The following TRAF3IP3 variants were observed in gnomAD, a reference collection of about 807,000 sequenced individuals.
TRAF3IP3 encodes the protein TRAF3-interacting JNK-activating modulator.
A neutral mutation model predicts 86.5 loss-of-function variants in TRAF3IP3; 64 were observed. The observed-to-expected ratio is 0.74, with a 90% CI of 0.60 to 0.91. The LOEUF (loss-of-function observed/expected upper bound fraction) is 0.91. Ranked by LOEUF, TRAF3IP3 falls within the 40% of genes least tolerant of loss-of-function variation. The pLI is 0.00. For missense variants in TRAF3IP3, 579 were observed against 642.9 expected, an observed-to-expected ratio of 0.90 and a Z score of 1.07; for synonymous variants, 220 against 243.9, an observed-to-expected ratio of 0.90 and a Z score of 0.91.
At chr1:209,773,422 C>A (rs557212075) in intron 9 of TRAF3IP3, among the ~76,000 whole-genome samples, 21 of 152,350 alleles carry the variant, frequency 1.4e-4, no homozygotes, top group African/African-American at 4.8e-4. Flanking sequence ...AAATTATTTT[C>A]ATTCCATGGG....
chr1:209,778,068 G>C (rs1324766262), intron 12 of TRAF3IP3, 43 bp from the exon 13 acceptor site: 2 of 1,565,262 alleles, frequency 1.3e-6, no homozygotes, highest in Admixed American at 3.4e-5. Context: ...AGTTCATTAA[G>C]TCTTGGGTTC....
chr1:209,782,244 C>A lies in TRAF3IP3; in HGVS notation c.*96C>A, dbSNP rs913024091. On this transcript the variant is annotated 3_prime_UTR_variant, in exon 17 of 17. Coordinates refer to ENST00000367025, the MANE Select transcript of TRAF3IP3 (RefSeq NM_025228.4). ...GTACATTACAGCTTGGGTTTTCCAA[C>A]TGACTTAGGATTTCTGACTTTTTAT... 1.4e-5 allele frequency: 13 copies of A among 932,818 alleles called. No homozygotes were observed. The highest frequency in any genetic ancestry group is 2.1e-4 in the Middle Eastern group (1 of 4,722). The allele number at this position is 932,818 out of a possible 1,614,324, so 57.8% of individuals were successfully genotyped here.
intron 3 of TRAF3IP3, 71 bp downstream of exon 3, chr1:209,760,455 C>T: frequency 7.5e-7 from 1 of 1,335,306 alleles, no homozygotes. Flanking sequence ...TGGGTGGGCT[C>T]AAGGTCACTA....
At chr1:209,770,780 GGTGTGTGTGTGTGCATATGGAGGT>G (rs2077470070) in intron 8 of TRAF3IP3, among the ~76,000 whole-genome samples, 1 of 111,570 alleles carries the variant, frequency 9.0e-6, no homozygotes. Context: ...TGCCTATGGA[GGTGTGTGTGTGTGCATATGGAGGT>G]GTGTGTGTGC....
chr1:209,762,555 C>T lies in TRAF3IP3; in HGVS notation c.386C>T (p.Pro129Leu). 6.7e-7 allele frequency: 1 copy of T among 1,483,354 alleles called. No homozygotes were observed. Among genetic ancestry groups the T allele is most frequent in the Non-Finnish European group, 9.0e-7 (1 of 1,117,254 alleles). The allele number at this position is 1,483,354 out of a possible 1,614,324, so 91.9% of individuals were successfully genotyped here. ...TSSEVFPAQH[P>L]PPSGICRDLS... Reference sequence around the variant, plus strand: ...TCTGAAGTCTTTCCAGCCCAGCATCCTCCTCCCTCAGGCATCTGCAGGGAT... The same window carrying T: ...TCTGAAGTCTTTCCAGCCCAGCATCTTCCTCCCTCAGGCATCTGCAGGGAT... Residue 129 changes from proline to leucine, a missense_variant, in exon 4 of 17, where the codon CCT (proline) becomes CTT (leucine). Transcript: ENST00000367025.
Position 209,777,379 on chromosome 1 carries a change from A to G in TRAF3IP3, c.1081A>G (p.Asn361Asp). The G allele has an allele frequency of 6.2e-7, 1 of 1,614,010 alleles. No individual in the cohort carries two copies. Among genetic ancestry groups the G allele is most frequent in the Non-Finnish European group, 8.5e-7 (1 of 1,179,978 alleles). ...QGADSRDLQM[N>D]QALRFLENEH... Reference sequence around the variant, plus strand: ...AGCAGATAGCAGGGACTTACAGATGAACCAGGCCCTGCGATTTTTGGAAAA... The same window carrying G: ...AGCAGATAGCAGGGACTTACAGATGGACCAGGCCCTGCGATTTTTGGAAAA... Residue 361 changes from asparagine (N) to aspartate (D), a missense_variant, in exon 12 of 17, where the codon AAC becomes GAC. Transcript: ENST00000367025.
At chr1:209,779,673 T>C (rs994177209) in intron 14 of TRAF3IP3, 2 of 601,710 alleles carry the variant, frequency 3.3e-6, no homozygotes, top group African/African-American at 3.7e-5. Context: ...TGTCAATTTT[T>C]ACACACTTGA....
chr1:209,780,726 T>C (rs1292719935), intron 15 of TRAF3IP3, 120 bp downstream of exon 15: 2 of 951,456 alleles, frequency 2.1e-6, no homozygotes, highest in African/African-American at 1.7e-5. Flanking sequence ...CAGACATTCA[T>C]TTGCCTACAT....
chr1:209,774,756 T>C (rs1273531750), intron 9 of TRAF3IP3, among the ~76,000 whole-genome samples: 1 of 152,170 alleles, frequency 6.6e-6, no homozygotes, highest in African/African-American at 2.4e-5. Flanking sequence ...ATTTGCATTT[T>C]AGAAAGAACC....
intron 2 of TRAF3IP3, 126 bp downstream of exon 2, chr1:209,759,260 G>T (rs2077203942): frequency 6.6e-6 from 1 of 152,250 alleles, no homozygotes; most frequent in South Asian, 2.1e-4. Flanking sequence ...GACTTGATCT[G>T]CACCTGAGAG....
chr1:209,762,394 G>C, intron 3 of TRAF3IP3, 121 bp from the exon 4 acceptor site: 1 of 987,502 alleles, frequency 1.0e-6, no homozygotes. Flanking sequence ...TTTGGGCGGG[G>C]GGACAATAAA....
intron 13 of TRAF3IP3, 174 bp from the exon 14 acceptor site, chr1:209,779,141 C>T (rs1280641306): frequency 1.7e-6 from 1 of 605,548 alleles, no homozygotes; most frequent in Admixed American, 3.0e-5. Context: ...CAAATAAGGT[C>T]ATTATTTAAG....
intron 1 of TRAF3IP3, among the ~76,000 whole-genome samples, chr1:209,757,333 C>T (rs4844893): frequency 0.04 from 6,142 of 152,288 alleles, 588 homozygotes; most frequent in East Asian, 0.3. Flanking sequence ...TTCTCCCCCA[C>T]AGCCCTTTCC....
rs969259625 is a variant in TRAF3IP3, at chr1:209,777,224, C to G, written c.1054-128C>G. 8 of 713,550 alleles carry G rather than the reference C, an allele frequency of 1.1e-5. No individual in the cohort carries two copies. The Admixed American group carries it at 2.3e-4, about 20-fold the overall frequency. The allele number at this position is 713,550 out of a possible 1,614,324, so 44.2% of individuals were successfully genotyped here. A position where few individuals can be genotyped will look rare whatever the true frequency, so the allele number is the denominator to read the frequency against. On this transcript the variant is annotated intron_variant, in intron 11 of 16. Coordinates refer to ENST00000367025, the MANE Select transcript of TRAF3IP3 (RefSeq NM_025228.4). ...AAGAAAGACTTCTCTATTTTCTCAT[C>G]TCCCTAACATTCCTTCTATCTCTAA...
chr1:209,768,128 A>G, intron 8 of TRAF3IP3: 4 of 985,382 alleles, frequency 4.1e-6, no homozygotes, highest in Non-Finnish European at 4.8e-6. Context: ...GTATAGCCCC[A>G]AACTGTGGTA....
At chr1:209,762,278 T>C (rs1455884886) in intron 3 of TRAF3IP3, among the ~76,000 whole-genome samples, 2 of 152,174 alleles carry the variant, frequency 1.3e-5, no homozygotes, top group African/African-American at 4.8e-5. Flanking sequence ...CTTCTAATAA[T>C]GGCACTAATC....
chr1:209,770,080 T>A (rs2077434441), intron 8 of TRAF3IP3, among the ~76,000 whole-genome samples: 1 of 152,152 alleles, frequency 6.6e-6, no homozygotes, highest in African/African-American at 2.4e-5. Flanking sequence ...GAGAAACAGA[T>A]TGGCTCTTCA....
rs1272522134 is a variant in TRAF3IP3 at position 209,777,389 on chromosome 1, T to C, written c.1091T>C (p.Leu364Pro). Residue 364 changes from leucine to proline, a missense_variant, in exon 12 of 17, where the codon CTG (leucine) becomes CCG (proline). Leu to Pro is a moderately conservative substitution (Grantham distance 98). Coordinates refer to ENST00000367025, the MANE Select transcript of TRAF3IP3 (RefSeq NM_025228.4). ...DSRDLQMNQALRFLENEHQQL... is the reference protein window; with the variant it reads ...DSRDLQMNQAPRFLENEHQQL... ...AGGGACTTACAGATGAACCAGGCCC[T>C]GCGATTTTTGGAAAATGAGCACCAG... The C allele has an allele frequency of 6.2e-7, 1 of 1,613,856 alleles. No individual in the cohort carries two copies.
At chr1:209,760,481 C>A in intron 3 of TRAF3IP3, 97 bp downstream of exon 3, 1 of 1,051,184 alleles carries the variant, frequency 9.5e-7, no homozygotes, top group East Asian at 2.6e-5. Context: ...TGACCTAAAT[C>A]AAGTCCTTCT....
Sources: gnomAD v4.1 joint callset for allele counts (sites outside exome capture counted in the v4.1 genomes callset) on GRCh38, gnomAD v4.1.1 for gene constraint, MANE v1.5 for transcripts, NCBI Gene and HGNC (gene_info 2026-07-23, HGNC 2026-07-21) for gene names.